The following MPPED2 variants were observed in gnomAD, a reference collection of about 807,000 sequenced individuals.
MPPED2 encodes the protein metallophosphoesterase domain containing 2, also known as metallophosphoesterase MPPED2.
In MPPED2, 5 loss-of-function variants were observed where a neutral mutation model predicts 33.0. The ratio of observed to expected loss-of-function variants is 0.15; its 90% confidence interval spans 0.08 to 0.32. The LOEUF is 0.32. Among genes scored for constraint, MPPED2 ranks in the 10% least tolerant of loss-of-function variants. The pLI, the probability that MPPED2 is intolerant of heterozygous loss-of-function variation, is 1.00. For missense variants in MPPED2, 275 were observed against 372.1 expected, an observed-to-expected ratio of 0.74 and a Z score of 2.15; for synonymous variants, 136 against 141.9, an observed-to-expected ratio of 0.96 and a Z score of 0.29.
At chr11:30,435,383 C>T (rs962735806) in intron 4 of MPPED2, among the ~76,000 whole-genome samples, 9 of 152,134 alleles carry the variant, frequency 5.9e-5, no homozygotes, top group African/African-American at 9.7e-5. Context: ...TTTCAATAAA[C>T]GGAAATTTCC....
At chr11:30,384,184 C>T (rs1389851605), downstream of MPPED2, among the ~76,000 whole-genome samples, 2 of 152,118 alleles carry the variant, frequency 1.3e-5, no homozygotes, top group East Asian at 3.9e-4. Context: ...TACACAGAGA[C>T]ATGTAATCTT....
At chr11:30,471,036 G>C (rs566068864) in intron 4 of MPPED2, among the ~76,000 whole-genome samples, 2 of 152,228 alleles carry the variant, frequency 1.3e-5, no homozygotes, top group East Asian at 3.9e-4. Flanking sequence ...CTCAATTAAT[G>C]GTTCATTATC....
chr11:30,451,850 G>T (rs1244223905), intron 4 of MPPED2: 1 of 984,990 alleles, frequency 1.0e-6, no homozygotes, highest in Admixed American at 6.2e-5. Context: ...AAGTCAGCTG[G>T]AGATCTGGAG....
intron 3 of MPPED2, among the ~76,000 whole-genome samples, chr11:30,512,857 C>T (rs1453624928): frequency 6.6e-6 from 1 of 151,902 alleles, no homozygotes; most frequent in African/African-American, 2.4e-5. Context: ...AAAAATTAGC[C>T]AAATGTGGTG....
chr11:30,520,602 C>G (rs559363045), intron 3 of MPPED2, among the ~76,000 whole-genome samples: 2 of 151,976 alleles, frequency 1.3e-5, no homozygotes, highest in Non-Finnish European at 2.9e-5. Context: ...TCTTATATGT[C>G]ATTTTCATAT....
At chr11:30,405,588 G>A (rs558353630), downstream of MPPED2, among the ~76,000 whole-genome samples, 108 of 152,148 alleles carry the variant, frequency 7.1e-4, no homozygotes, top group African/African-American at 2.4e-3. Flanking sequence ...AGGAGGAGTC[G>A]ACAAAAACCC....
intron 4 of MPPED2, among the ~76,000 whole-genome samples, chr11:30,420,155 T>C (rs1462295111): frequency 3.9e-5 from 6 of 152,122 alleles, no homozygotes; most frequent in African/African-American, 1.4e-4. Context: ...ATAGTAAGAT[T>C]ATCCTGGATT....
chr11:30,518,633 A>C (rs1565147183), intron 3 of MPPED2, among the ~76,000 whole-genome samples: 1 of 152,220 alleles, frequency 6.6e-6, no homozygotes, highest in Non-Finnish European at 1.5e-5. Context: ...TCACATTAAA[A>C]TAAAACTATT....
downstream of MPPED2, chr11:30,410,172 C>T (rs2133723550): frequency 2.0e-6 from 2 of 985,604 alleles, no homozygotes; most frequent in South Asian, 9.4e-5. Context: ...ATCCCTCCTT[C>T]CCCAGGACGA....
intron 3 of MPPED2, among the ~76,000 whole-genome samples, chr11:30,507,142 T>C (rs180853155): frequency 2.0e-4 from 31 of 152,360 alleles, no homozygotes; most frequent in African/African-American, 7.0e-4. Context: ...GGTACTTTTG[T>C]CAATAAGCAA....
chr11:30,387,962 G>C (rs1467148659), exon 7 of MPPED2: 1 of 152,174 alleles, frequency 6.6e-6, no homozygotes, highest in East Asian at 1.9e-4. Flanking sequence ...GTGGGAGCTG[G>C]GGTGTGCCCA....
chr11:30,566,443 G>A lies in MPPED2; in HGVS notation c.128+13803C>T, dbSNP rs1335443438. On this transcript the variant is annotated intron_variant, in intron 2 of 6. Transcript: ENST00000358117. ...TGAAGGCAGAGATGATAGCATTAGT[G>A]TACGAGTATCAGAAATACTCACTCT... is the stretch of plus-strand genomic sequence containing the variant. Among the ~76,000 whole-genome samples, 3 of 152,094 alleles carry A rather than the reference G, an allele frequency of 2.0e-5. No homozygotes were observed. In the East Asian group the frequency reaches 5.8e-4, roughly 29 times the overall value.
In MPPED2 at chr11:30,496,623, A is replaced by C. The variant is rs192410367; in HGVS notation, c.311-1102T>G. Among the ~76,000 whole-genome samples, 684 of 139,118 alleles carry C rather than the reference A, an allele frequency of 4.9e-3. 4 individuals are homozygous for C. The highest frequency in any genetic ancestry group is 6.7e-3 in the Non-Finnish European group (449 of 66,544). The allele number at this position is 139,118 out of a possible 152,430, so 91.3% of individuals were successfully genotyped here. On this transcript the variant is annotated intron_variant, in intron 3 of 6. Coordinates refer to ENST00000358117, the MANE Select transcript of MPPED2 (RefSeq NM_001584.3). ...TTACCACTAGCAGGAAATTGGATACACTTGTTGTAAGAACTGGTCCTTACC... is the reference window on the plus strand; with the variant it reads ...TTACCACTAGCAGGAAATTGGATACCCTTGTTGTAAGAACTGGTCCTTACC...
At chr11:30,521,569 C>T (rs1012046227) in intron 3 of MPPED2, among the ~76,000 whole-genome samples, 2 of 152,158 alleles carry the variant, frequency 1.3e-5, no homozygotes, top group Non-Finnish European at 2.9e-5. Flanking sequence ...TTAAACAAAC[C>T]TAGTTTATTT....
chr11:30,394,077 A>G (rs1236020454), intron 6 of MPPED2, among the ~76,000 whole-genome samples: 1 of 152,190 alleles, frequency 6.6e-6, no homozygotes, highest in Non-Finnish European at 1.5e-5. Flanking sequence ...TTTGCGATTC[A>G]TCCAGGCTGT....
In MPPED2 at chr11:30,449,991, A is replaced by T. The variant is rs144450466; in HGVS notation, c.537-32358T>A. ...TCAATGGTATAAGCCCCCCAAAACCACTTTTTTTGGTTTTCAATTTTCTGT... is the reference window on the plus strand; with the variant it reads ...TCAATGGTATAAGCCCCCCAAAACCTCTTTTTTTGGTTTTCAATTTTCTGT... On this transcript the variant is annotated intron_variant, in intron 4 of 6. Coordinates refer to ENST00000358117, the MANE Select transcript of MPPED2 (RefSeq NM_001584.3). Among the ~76,000 whole-genome samples the T allele has an allele frequency of 5.2e-3, 790 of 151,988 alleles. 10 individuals are homozygous for T. The highest frequency in any genetic ancestry group is 0.018 in the African/African-American group (758 of 41,454).
chr11:30,410,446 A>T lies in MPPED2; in HGVS notation c.*1022T>A. Reference sequence around the variant, plus strand: ...CACACAGTGCAAAATGGGAGAGGGGAGAGGAAGTAAGAAGACAACTTGGGG... The same window carrying T: ...CACACAGTGCAAAATGGGAGAGGGGTGAGGAAGTAAGAAGACAACTTGGGG... On this transcript the variant is annotated 3_prime_UTR_variant, in exon 7 of 7. Transcript: ENST00000358117. 1 of 970,578 alleles carries T rather than the reference A, an allele frequency of 1.0e-6. No individual in the cohort carries two copies. Among genetic ancestry groups the T allele is most frequent in the Non-Finnish European group, 1.2e-6 (1 of 820,104 alleles). The allele number at this position is 970,578 out of a possible 1,614,324, so 60.1% of individuals were successfully genotyped here.
intron 3 of MPPED2, among the ~76,000 whole-genome samples, chr11:30,497,980 A>C (rs1415190746): frequency 6.6e-6 from 1 of 151,894 alleles, no homozygotes; most frequent in Non-Finnish European, 1.5e-5. Context: ...CTGACCTTTC[A>C]TCTATAATCT....
chr11:30,501,637 CT>C (rs1305263025), intron 3 of MPPED2: 2 of 979,716 alleles, frequency 2.0e-6, no homozygotes, highest in African/African-American at 3.5e-5. Flanking sequence ...CAGACTGTTT[CT>C]CTCAAGAGTG....
Sources: allele counts gnomAD v4.1 joint callset (sites outside exome capture counted in the v4.1 genomes callset), GRCh38; gene constraint gnomAD v4.1.1; transcripts MANE v1.5; gene names NCBI Gene and HGNC (gene_info 2026-07-23, HGNC 2026-07-21).